Variants in CMTM4 observed in about 807,000 individuals in gnomAD.
The protein encoded by CMTM4 is CKLF like MARVEL transmembrane domain containing 4.
Under a neutral mutation model 19.0 loss-of-function variants are expected in CMTM4, and 8 were observed. That is an observed-to-expected ratio of 0.42 (90% CI 0.25 to 0.76). The LOEUF (loss-of-function observed/expected upper bound fraction) is 0.76. Among genes scored for constraint, CMTM4 ranks in the 30% least tolerant of loss-of-function variants. CMTM4 has a pLI of 0.27. For missense variants in CMTM4, 228 were observed against 290.2 expected (o/e 0.79, Z 1.56); for synonymous variants, 106 against 121.1 (o/e 0.88, Z 0.82).
chr16:66,621,905 C>T lies in CMTM4; in HGVS notation c.*153G>A. On this transcript the variant is annotated 3_prime_UTR_variant, in exon 4 of 4. Transcript: ENST00000394106. The stretch of plus-strand genomic sequence containing the variant: ...CCCAACTCCACCGCGGACCCGCCCA[C>T]TGGGCCACTCGGGAAACCCTTTCCC... The T allele has an allele frequency of 1.4e-6, 2 of 1,436,524 alleles. No homozygotes were observed. Among genetic ancestry groups the T allele is most frequent in the Non-Finnish European group, 1.8e-6 (2 of 1,097,346 alleles). 89.0% of individuals were successfully genotyped at this position (1,436,524 alleles called of 1,614,324 possible).
chr16:66,619,211 CAA>C lies in CMTM4; in HGVS notation c.*2845_*2846del, dbSNP rs1162363022. Reference sequence around the variant, plus strand: ...CTTCAGCAGTGTGAAAGAAGGATATCAAAGAGAATCAGAGGGAAAAAATACCA... The same window carrying C: ...CTTCAGCAGTGTGAAAGAAGGATATCAGAGAATCAGAGGGAAAAAATACCA... On this transcript the variant is annotated 3_prime_UTR_variant, in exon 4 of 4. Coordinates refer to ENST00000394106, the MANE Select transcript of CMTM4 (RefSeq NM_181521.3). 1.6e-5 allele frequency: 16 copies of C among 985,272 alleles called. No individual in the cohort carries two copies. Among genetic ancestry groups the C allele is most frequent in the Admixed American group, 6.1e-5 (1 of 16,268 alleles). The allele number at this position is 985,272 out of a possible 1,614,324, so 61.0% of individuals were successfully genotyped here. A position where few individuals can be genotyped will look rare whatever the true frequency, so the allele number is the denominator to read the frequency against.
the CMTM4 span, chr16:66,609,272 C>T: frequency 1.4e-5 from 9 of 624,716 alleles, no homozygotes; most frequent in Admixed American, 2.6e-4. The surrounding 1 kb of genome is among the most constrained non-coding windows in gnomAD (Gnocchi z 4.4). Context: ...GCAGAGGCAC[C>T]TCGGGGGTGG....
chr16:66,638,364 C>G (rs1197710846), intron 1 of CMTM4, among the ~76,000 whole-genome samples: 1 of 152,216 alleles, frequency 6.6e-6, no homozygotes, highest in Non-Finnish European at 1.5e-5. Context: ...AAGAGTGGTT[C>G]TGCCTTTCCC....
intron 1 of CMTM4, among the ~76,000 whole-genome samples, chr16:66,670,515 A>G (rs1175425698): frequency 6.6e-6 from 1 of 151,270 alleles, no homozygotes; most frequent in Non-Finnish European, 1.5e-5. Context: ...TAAAAGTAAT[A>G]ATGTAGCCAG....
intron 1 of CMTM4, among the ~76,000 whole-genome samples, chr16:66,684,552 G>C (rs1361734529): frequency 6.6e-6 from 1 of 151,894 alleles, no homozygotes. Flanking sequence ...GAAAACCAGT[G>C]ATAGCCCCCA....
At chr16:66,690,936 A>C (rs1298373214) in intron 1 of CMTM4, among the ~76,000 whole-genome samples, 1 of 151,716 alleles carries the variant, frequency 6.6e-6, no homozygotes, top group Non-Finnish European at 1.5e-5. Context: ...GCAACATAGC[A>C]AGACCTCGTC....
At chr16:66,678,663 T>C (rs1037502148) in intron 1 of CMTM4, among the ~76,000 whole-genome samples, 4 of 152,286 alleles carry the variant, frequency 2.6e-5, no homozygotes, top group South Asian at 2.1e-4. Context: ...CAAGCCAGAG[T>C]TGCATGTATT....
rs72390418 is a variant in CMTM4 at position 66,655,518 on chromosome 16, C to CGTGT, written c.187-18941_187-18938dup. On this transcript the variant is annotated intron_variant, in intron 1 of 3. Coordinates refer to ENST00000394106, the MANE Select transcript of CMTM4 (RefSeq NM_181521.3). ...AAATGCCTGAGGTCTAGGACAGAAA[C>CGTGT]GTGTGTGTGTGTGTGTGTGTGTGTG... 1.0e-3 allele frequency among the ~76,000 whole-genome samples: 149 copies of CGTGT among 148,022 alleles called. 1 individual carries two copies. Among genetic ancestry groups the CGTGT allele is most frequent in the East Asian group, 4.9e-3 (25 of 5,058 alleles).
downstream of CMTM4, chr16:66,612,972 T>C (rs2015438975): frequency 1.5e-6 from 1 of 687,114 alleles, no homozygotes; most frequent in Admixed American, 2.1e-5. The surrounding 1 kb of genome is among the most constrained non-coding windows in gnomAD (Gnocchi z 6.0). Context: ...GGGCAGCAGG[T>C]GTTCCATGCT....
At chr16:66,610,493 G>A (rs1209775766), downstream of CMTM4, among the ~76,000 whole-genome samples, 3 of 152,210 alleles carry the variant, frequency 2.0e-5, no homozygotes, top group Non-Finnish European at 4.4e-5. The surrounding 1 kb of genome is among the most constrained non-coding windows in gnomAD (Gnocchi z 4.6). Context: ...AGTAAAACAG[G>A]AGCCGATAGA....
intron 1 of CMTM4, among the ~76,000 whole-genome samples, chr16:66,683,194 C>A (rs181413274): frequency 9.3e-6 from 1 of 107,674 alleles, no homozygotes; most frequent in South Asian, 3.0e-4. Context: ...TATATATATA[C>A]ATATATATAT....
In CMTM4 at chr16:66,620,470, AC is replaced by A. The variant is rs1438462338; in HGVS notation, c.*1587del. On this transcript the variant is annotated 3_prime_UTR_variant, in exon 4 of 4. Coordinates refer to ENST00000394106, the MANE Select transcript of CMTM4 (RefSeq NM_181521.3). ...GTGCAGGAAGCTAACCCCAACTCCG[AC>A]CCCCAGCCCAGCAGTGTTGCCTGAT... is the stretch of plus-strand genomic sequence containing the variant. 3 of 982,664 alleles carry A rather than the reference AC, an allele frequency of 3.1e-6. No individual in the cohort carries two copies. In the African/African-American group the frequency reaches 5.3e-5, roughly 17 times the overall value. 60.9% of individuals were successfully genotyped at this position (982,664 alleles called of 1,614,324 possible). A position where few individuals can be genotyped will look rare whatever the true frequency, so the allele number is the denominator to read the frequency against.
chr16:66,651,125 G>A (rs1365386901), intron 1 of CMTM4, among the ~76,000 whole-genome samples: 1 of 152,142 alleles, frequency 6.6e-6, no homozygotes, highest in South Asian at 2.1e-4. Context: ...AATCCAGAGG[G>A]GGCAGCAGAG....
At chr16:66,689,306 A>G (rs140444752) in intron 1 of CMTM4, among the ~76,000 whole-genome samples, 32 of 152,318 alleles carry the variant, frequency 2.1e-4, no homozygotes, top group African/African-American at 7.5e-4. Context: ...AGGTTGAAGA[A>G]GTTCCTTTCT....
the CMTM4 span, chr16:66,609,318 G>C: frequency 1.2e-6 from 1 of 846,318 alleles, no homozygotes; most frequent in Non-Finnish European, 1.9e-6. The surrounding 1 kb of genome is among the most constrained non-coding windows in gnomAD (Gnocchi z 4.4). Flanking sequence ...GGCCAGGATG[G>C]GATAGGAGCC....
At chr16:66,600,137 T>TGTGTGG in the CMTM4 span, among the ~76,000 whole-genome samples, 1 of 105,258 alleles carries the variant, frequency 9.5e-6, no homozygotes, top group African/African-American at 4.6e-5. Context: ...TGTGTGTGTG[T>TGTGTGG]TTTTTTTTGT....
At chr16:66,601,566 G>A in the CMTM4 span, among the ~76,000 whole-genome samples, 37 of 152,184 alleles carry the variant, frequency 2.4e-4, no homozygotes, top group East Asian at 3.9e-4. Flanking sequence ...CACTCTGGTC[G>A]GTCGGACTGG....
intron 1 of CMTM4, among the ~76,000 whole-genome samples, chr16:66,674,619 G>A (rs1259792992): frequency 1.3e-5 from 2 of 151,610 alleles, no homozygotes; most frequent in Non-Finnish European, 1.5e-5. Flanking sequence ...TGCTCTCATC[G>A]AAACGAGTCA....
chr16:66,653,609 CCT>C (rs2016349573), intron 1 of CMTM4, among the ~76,000 whole-genome samples: 4 of 152,202 alleles, frequency 2.6e-5, no homozygotes, highest in Non-Finnish European at 4.4e-5. Flanking sequence ...CTGTGGCCTT[CCT>C]TAAAAAGTCT....
Sources: gnomAD v4.1 joint callset for allele counts (sites outside exome capture counted in the v4.1 genomes callset) on GRCh38, gnomAD v4.1.1 for gene constraint, Gnocchi (gnomAD v3.1) non-coding constraint, MANE v1.5 for transcripts, NCBI Gene and HGNC (gene_info 2026-07-23, HGNC 2026-07-21) for gene names.